The following GAS2 variants were observed in gnomAD, a reference collection of about 807,000 sequenced individuals.
The protein encoded by GAS2 is growth arrest-specific protein 2.
In GAS2, 20 loss-of-function variants were observed where a neutral mutation model predicts 37.5. That is an observed-to-expected ratio of 0.53 (90% CI 0.37 to 0.77). The LOEUF (loss-of-function observed/expected upper bound fraction) is 0.77, where lower values mean the gene tolerates loss of function less well. GAS2 is among the 30% of genes least tolerant of loss of function. GAS2 has a pLI of 0.00. For missense variants in GAS2, 336 were observed against 373.4 expected, an observed-to-expected ratio of 0.90 and a Z score of 0.82; for synonymous variants, 144 against 132.2, an observed-to-expected ratio of 1.09 and a Z score of -0.61.
intron 4 of GAS2, among the ~76,000 whole-genome samples, chr11:22,729,688 C>T (rs1852382970): frequency 6.8e-6 from 1 of 146,020 alleles, no homozygotes; most frequent in Non-Finnish European, 1.5e-5. Context: ...TGTTGGACCC[C>T]TTAGTAATAA....
At chr11:22,664,452 A>C (rs1848952342), upstream of GAS2, among the ~76,000 whole-genome samples, 1 of 152,180 alleles carries the variant, frequency 6.6e-6, no homozygotes, top group African/African-American at 2.4e-5. Context: ...GTAATGCAGA[A>C]ATTTCCCGTG....
chr11:22,778,404 T>C (rs1041092898), intron 7 of GAS2, among the ~76,000 whole-genome samples: 1 of 152,204 alleles, frequency 6.6e-6, no homozygotes, highest in Non-Finnish European at 1.5e-5. Flanking sequence ...TAAGCAAATA[T>C]ACAGGTAATT....
chr11:22,720,019 A>G (rs141362051), intron 3 of GAS2, among the ~76,000 whole-genome samples: 1 of 152,212 alleles, frequency 6.6e-6, no homozygotes, highest in African/African-American at 2.4e-5. Context: ...CATTTCAAAC[A>G]TTAGTTTATA....
chr11:22,806,280 C>A (rs1856880534), intron 7 of GAS2, among the ~76,000 whole-genome samples: 1 of 152,082 alleles, frequency 6.6e-6, no homozygotes, highest in Non-Finnish European at 1.5e-5. Flanking sequence ...ACAGGATTTT[C>A]TTCTGTATTA....
intron 3 of GAS2, among the ~76,000 whole-genome samples, chr11:22,699,523 C>A (rs1462621237): frequency 6.6e-6 from 1 of 152,044 alleles, no homozygotes; most frequent in African/African-American, 2.4e-5. Context: ...AGACTATTTG[C>A]AAGGATTATG....
intron 7 of GAS2, among the ~76,000 whole-genome samples, chr11:22,786,675 A>G (rs1253892461): frequency 6.6e-6 from 1 of 152,172 alleles, no homozygotes; most frequent in African/African-American, 2.4e-5. Context: ...ATAGACAAAA[A>G]TAGATACCTG....
chr11:22,653,849 A>G (rs1848825987), intron 1 of GAS2, among the ~76,000 whole-genome samples: 1 of 152,182 alleles, frequency 6.6e-6, no homozygotes. Context: ...GTGGCTTCTG[A>G]GGCAAAAATC....
At chr11:22,727,559 A>C (rs537913645) in intron 4 of GAS2, among the ~76,000 whole-genome samples, 1 of 152,172 alleles carries the variant, frequency 6.6e-6, no homozygotes, top group South Asian at 2.1e-4. Flanking sequence ...AAATTTTTGA[A>C]AATTCTCTTA....
chr11:22,638,826 G>A (rs754103795), intron 1 of GAS2, among the ~76,000 whole-genome samples: 54 of 151,972 alleles, frequency 3.6e-4, no homozygotes, highest in Non-Finnish European at 7.1e-4. Context: ...AGTAGAATTG[G>A]ACTCCACATC....
intron 3 of GAS2, among the ~76,000 whole-genome samples, chr11:22,714,904 A>G (rs1264481065): frequency 6.6e-6 from 1 of 152,172 alleles, no homozygotes; most frequent in Admixed American, 6.5e-5. Flanking sequence ...GCCTACATCA[A>G]AAAGTCTGAA....
chr11:22,685,568 T>A, intron 2 of GAS2, 100 bp from the exon 3 acceptor site: 1 of 1,302,092 alleles, frequency 7.7e-7, no homozygotes, highest in Non-Finnish European at 1.1e-6. Context: ...GTAACTCAGC[T>A]AGAATAGCAA....
At chr11:22,628,713 G>C (rs1025101783) in intron 1 of GAS2, among the ~76,000 whole-genome samples, 16 of 152,178 alleles carry the variant, frequency 1.1e-4, no homozygotes, top group Non-Finnish European at 1.6e-4. Flanking sequence ...TGAAGCCTGA[G>C]ATTTTAGTTC....
At chr11:22,764,658 T>G (rs955213027) in intron 7 of GAS2, among the ~76,000 whole-genome samples, 1 of 152,136 alleles carries the variant, frequency 6.6e-6, no homozygotes, top group Non-Finnish European at 1.5e-5. Context: ...CCGCAAATAC[T>G]TTTGCACCAA....
At chr11:22,646,659 C>T (rs1848698654) in intron 1 of GAS2, among the ~76,000 whole-genome samples, 1 of 152,178 alleles carries the variant, frequency 6.6e-6, no homozygotes, top group Non-Finnish European at 1.5e-5. Context: ...AACAGAGAGC[C>T]ATATGACATT....
chr11:22,639,769 G>T (rs1858886599), intron 1 of GAS2, among the ~76,000 whole-genome samples: 1 of 151,960 alleles, frequency 6.6e-6, no homozygotes, highest in South Asian at 2.1e-4. Flanking sequence ...ATTATTTTCA[G>T]TAGGCCATAA....
At position 22,748,605 on chromosome 11, in the gene GAS2, C is replaced by T. The variant is rs192369332; in HGVS notation, c.474-515C>T. On this transcript the variant is annotated intron_variant, in intron 5 of 7. Coordinates refer to ENST00000454584, the MANE Select transcript of GAS2 (RefSeq NM_001143830.3). ...ATCATAACCTATGACATTGTATAACCCATAGTACAATGTTCTGGACCCATA... is the reference window on the plus strand; with the variant it reads ...ATCATAACCTATGACATTGTATAACTCATAGTACAATGTTCTGGACCCATA... 2.0e-4 allele frequency among the ~76,000 whole-genome samples: 30 copies of T among 152,008 alleles called. No individual in the cohort carries two copies. In the East Asian group the frequency reaches 3.5e-3, roughly 18 times the overall value.
At chr11:22,759,592 G>T (rs1854260414) in intron 7 of GAS2, among the ~76,000 whole-genome samples, 1 of 152,050 alleles carries the variant, frequency 6.6e-6, no homozygotes, top group African/African-American at 2.4e-5. Context: ...TATCTATATT[G>T]TGCAGATGCA....
In GAS2 at chr11:22,642,570, A is replaced by ATAGATAATT. The variant is rs1262249320; in HGVS notation, c.-21+16757_-21+16758insTAGATAATT. 1.8e-3 allele frequency among the ~76,000 whole-genome samples: 273 copies of ATAGATAATT among 152,294 alleles called. 2 individuals are homozygous for ATAGATAATT. The highest frequency in any genetic ancestry group is 6.4e-3 in the African/African-American group (266 of 41,582). On this transcript the variant is annotated intron_variant, in intron 1 of 5. Transcript: ENST00000528582. ...CCTGGATAAGAAAATTATAGAATGT[A>ATAGATAATT]ATAGATAATTAGTGGATAATAAGGT... is the stretch of plus-strand genomic sequence containing the variant.
Position 22,812,052 on chromosome 11 carries a change from GC to G in GAS2, c.*38del. ...TCATGACAAGGGGACCCTCATAATG[GC>G]CTGTATCCACTTCTCCAGTATAGTC... is the stretch of plus-strand genomic sequence containing the variant. On this transcript the variant is annotated 3_prime_UTR_variant, in exon 8 of 8. Transcript: ENST00000454584. 6.8e-7 allele frequency: 1 copy of G among 1,460,604 alleles called. No homozygotes were observed. The highest frequency in any genetic ancestry group is 9.6e-7 in the Non-Finnish European group (1 of 1,040,950). 90.5% of individuals were successfully genotyped at this position (1,460,604 alleles called of 1,614,324 possible). A position where few individuals can be genotyped will look rare whatever the true frequency, so the allele number is the denominator to read the frequency against.
Sources: gnomAD v4.1 joint callset for allele counts (sites outside exome capture counted in the v4.1 genomes callset) on GRCh38, gnomAD v4.1.1 for gene constraint, MANE v1.5 for transcripts, NCBI Gene and HGNC (gene_info 2026-07-23, HGNC 2026-07-21) for gene names.